The following GRIK1 variants were observed in gnomAD, a reference collection of about 807,000 sequenced individuals.
GRIK1 encodes glutamate ionotropic receptor kainate type subunit 1.
A neutral mutation model predicts 105.7 loss-of-function variants in GRIK1; 69 were observed. The ratio of observed to expected loss-of-function variants is 0.65; its 90% CI spans 0.54 to 0.80. GRIK1 has a LOEUF of 0.80. Ranked by LOEUF, GRIK1 falls within the 30% of genes least tolerant of loss-of-function variation. The pLI is 0.00. For missense variants in GRIK1, 1,109 were observed against 1,167.3 expected, an observed-to-expected ratio of 0.95 and a Z score of 0.73; for synonymous variants, 438 against 431.3, an observed-to-expected ratio of 1.02 and a Z score of -0.19.
chr21:29,827,820 T>C (rs968879277), intron 1 of GRIK1, among the ~76,000 whole-genome samples: 2 of 152,064 alleles, frequency 1.3e-5, no homozygotes, highest in African/African-American at 4.8e-5. Flanking sequence ...TTGCTTACTA[T>C]TCTCAATTTG....
chr21:29,845,871 T>C (rs562188388), intron 1 of GRIK1, among the ~76,000 whole-genome samples: 1 of 152,258 alleles, frequency 6.6e-6, no homozygotes, highest in South Asian at 2.1e-4. Flanking sequence ...GCAGCCTTGA[T>C]TCAGCATGTG....
chr21:29,782,320 T>A (rs574783501), intron 1 of GRIK1, among the ~76,000 whole-genome samples: 1 of 152,272 alleles, frequency 6.6e-6, no homozygotes, highest in East Asian at 1.9e-4. Context: ...TCTCCTGACC[T>A]TGTGATCTGC....
At chr21:29,879,690 C>T (rs1411698608) in intron 1 of GRIK1, among the ~76,000 whole-genome samples, 1 of 152,044 alleles carries the variant, frequency 6.6e-6, no homozygotes, top group African/African-American at 2.4e-5. Context: ...TTAGCAGTCC[C>T]GATCTTCCAT....
At chr21:29,672,840 AG>A in intron 4 of GRIK1, 142 bp downstream of exon 4, 1 of 650,334 alleles carries the variant, frequency 1.5e-6, no homozygotes, top group South Asian at 2.0e-5. Context: ...CCTGTTTAAA[AG>A]GGCTCTGAAA....
chr21:29,795,374 A>G (rs1376591583), intron 1 of GRIK1, among the ~76,000 whole-genome samples: 1 of 151,656 alleles, frequency 6.6e-6, no homozygotes, highest in South Asian at 2.1e-4. Context: ...TATGATTTCT[A>G]TTTTTCCCTG....
At chr21:29,706,973 T>A (rs1189324168) in intron 1 of GRIK1, among the ~76,000 whole-genome samples, 1 of 152,158 alleles carries the variant, frequency 6.6e-6, no homozygotes, top group Non-Finnish European at 1.5e-5. Flanking sequence ...CACGCCATTC[T>A]CCTGCCTCGG....
At chr21:29,851,351 G>A (rs535314134) in intron 1 of GRIK1, among the ~76,000 whole-genome samples, 9 of 152,222 alleles carry the variant, frequency 5.9e-5, no homozygotes, top group South Asian at 2.1e-4. Flanking sequence ...CACATCCCCC[G>A]GCCTAGAAAT....
At chr21:29,619,871 G>C (rs1379306539) in intron 7 of GRIK1, among the ~76,000 whole-genome samples, 7 of 152,096 alleles carry the variant, frequency 4.6e-5, no homozygotes, top group African/African-American at 7.2e-5. Flanking sequence ...AACCAACTGA[G>C]GTCTATTTTG....
At chr21:29,773,582 A>G (rs939202454) in intron 1 of GRIK1, among the ~76,000 whole-genome samples, 13 of 152,190 alleles carry the variant, frequency 8.5e-5, no homozygotes, top group African/African-American at 3.1e-4. Flanking sequence ...AAACATAGGC[A>G]GTAACTAGAT....
chr21:29,897,952 A>G (rs1185641762), intron 1 of GRIK1, among the ~76,000 whole-genome samples: 1 of 152,170 alleles, frequency 6.6e-6, no homozygotes, highest in Non-Finnish European at 1.5e-5. Flanking sequence ...GGAGGAGGAG[A>G]AATATTTGCA....
intron 7 of GRIK1, among the ~76,000 whole-genome samples, chr21:29,633,057 G>A (rs1175288101): frequency 3.3e-5 from 5 of 152,194 alleles, no homozygotes; most frequent in African/African-American, 4.8e-5. Flanking sequence ...AATGAATGGC[G>A]TTAGGAATCT....
intron 1 of GRIK1, among the ~76,000 whole-genome samples, chr21:29,932,177 A>G (rs2071588925): frequency 6.6e-6 from 1 of 152,218 alleles, no homozygotes; most frequent in Non-Finnish European, 1.5e-5. Context: ...AAAAGACACA[A>G]CATGGCCTAA....
chr21:29,861,097 C>T (rs2068621551), intron 1 of GRIK1, among the ~76,000 whole-genome samples: 1 of 149,436 alleles, frequency 6.7e-6, no homozygotes. Context: ...TTTGCAAAGA[C>T]AATCATGTCA....
intron 8 of GRIK1, 168 bp downstream of exon 8, chr21:29,598,662 C>A: frequency 1.9e-6 from 1 of 515,724 alleles, no homozygotes; most frequent in Non-Finnish European, 3.4e-6. Flanking sequence ...AAGAATCTAG[C>A]ACATCAACTT....
intron 1 of GRIK1, among the ~76,000 whole-genome samples, chr21:29,809,209 T>G (rs1272275384): frequency 6.6e-6 from 1 of 152,168 alleles, no homozygotes. Flanking sequence ...CAGACATAAT[T>G]ACTTAAGACA....
intron 7 of GRIK1, among the ~76,000 whole-genome samples, chr21:29,615,098 C>A (rs1012930510): frequency 4.6e-5 from 7 of 151,610 alleles, no homozygotes; most frequent in Admixed American, 6.6e-5. Context: ...CTCTCCGAAG[C>A]TGTTCCGAAC....
In GRIK1 at chr21:29,651,160, G is replaced by C; in HGVS notation, c.912C>G (p.Ala304=). 3 of 1,613,680 alleles carry C rather than the reference G, an allele frequency of 1.9e-6. No individual in the cohort carries two copies. Among genetic ancestry groups the C allele is most frequent in the Non-Finnish European group, 2.5e-6 (3 of 1,179,802 alleles). ...AAAGGCCAGTCTCGGGCCTGGGTGGGGCCTGCAGTCTCTCCATGGACCACT... is the reference window on the plus strand; with the variant it reads ...AAAGGCCAGTCTCGGGCCTGGGTGGCGCCTGCAGTCTCTCCATGGACCACT... The part of the protein sequence containing the change: ...IEKWSMERLQ[A]PPRPETGLLD... Residue 304 remains alanine, a synonymous_variant, in exon 6 of 18, where the codon GCC becomes GCG. Transcript: ENST00000327783.
intron 3 of GRIK1, among the ~76,000 whole-genome samples, chr21:29,677,963 G>T (rs983604830): frequency 1.3e-5 from 2 of 152,202 alleles, no homozygotes; most frequent in African/African-American, 4.8e-5. Context: ...TTGCTGGATA[G>T]CTTTAGCTAT....
chr21:29,759,416 C>G (rs1056990088), intron 1 of GRIK1, among the ~76,000 whole-genome samples: 2 of 152,200 alleles, frequency 1.3e-5, no homozygotes, highest in Non-Finnish European at 2.9e-5. Context: ...CCACGCCCTG[C>G]CCAGTTCCCT....
Sources: allele counts gnomAD v4.1 joint callset (sites outside exome capture counted in the v4.1 genomes callset), GRCh38; gene constraint gnomAD v4.1.1; transcripts MANE v1.5; gene names NCBI Gene and HGNC (gene_info 2026-07-23, HGNC 2026-07-21).